Variants in GFM2 observed in about 807,000 individuals in gnomAD.
GFM2 encodes ribosome-releasing factor 2, mitochondrial.
GFM2 carries 72 observed loss-of-function variants against 95.4 expected under a neutral mutation model. The ratio of observed to expected loss-of-function variants is 0.76; its 90% CI spans 0.62 to 0.92. The LOEUF (loss-of-function observed/expected upper bound fraction) is 0.92, where lower values mean the gene tolerates loss of function less well. Ranked by LOEUF, GFM2 falls within the 40% of genes least tolerant of loss-of-function variation. The pLI, the probability that GFM2 is intolerant of heterozygous loss-of-function variation, is 0.00. For synonymous variants in GFM2, 276 were observed against 317.5 expected (o/e 0.87, Z 1.39); for missense variants, 825 against 924.1 (o/e 0.89, Z 1.39).
chr5:74,731,949 T>C (rs1189689249), intron 16 of GFM2, among the ~76,000 whole-genome samples: 1 of 151,068 alleles, frequency 6.6e-6, no homozygotes, highest in Admixed American at 6.6e-5. Flanking sequence ...GTTTTTATTT[T>C]ATTTATTTTT....
At chr5:74,734,876 G>A (rs1742756890) in intron 15 of GFM2, among the ~76,000 whole-genome samples, 1 of 152,156 alleles carries the variant, frequency 6.6e-6, no homozygotes, top group Non-Finnish European at 1.5e-5. Flanking sequence ...GCCCATTAAT[G>A]AGACTTTGGA....
chr5:74,760,709 TAAG>T (rs1744236885), intron 3 of GFM2, among the ~76,000 whole-genome samples, 190 bp downstream of exon 3: 1 of 152,170 alleles, frequency 6.6e-6, no homozygotes, highest in South Asian at 2.1e-4. Flanking sequence ...GTTCCTCAGA[TAAG>T]GAGCACAACT....
rs946255235 is a variant in GFM2 at position 74,757,340 on chromosome 5, C to T, written c.304+1509G>A. On this transcript the variant is annotated intron_variant, in intron 5 of 20. Coordinates refer to ENST00000296805, the MANE Select transcript of GFM2 (RefSeq NM_032380.5). ...TATGAGAGCAAGATCTTGATATTCT[C>T]TTTTTTAACTGTAAATAAGTTATTG... 8.5e-5 allele frequency among the ~76,000 whole-genome samples: 13 copies of T among 152,088 alleles called. No homozygotes were observed. In the East Asian group the frequency reaches 2.3e-3, roughly 27 times the overall value.
In GFM2 at chr5:74,740,071, G is replaced by A; in HGVS notation, c.997C>T (p.Leu333=). ...TAVPVLCGSA[L]KNKGIQPLLD... is the part of the protein sequence containing the mutation. ...AAGGGCTGTATCCCTTTGTTTTTCA[G>A]GGCACTTCCACAAAGCACAGGCACT... is the stretch of plus-strand genomic sequence containing the variant. The change falls in exon 12 of 21, where the codon CTG becomes TTG. Residue 333 remains leucine, a synonymous_variant. Transcript: ENST00000296805. 6.2e-7 allele frequency: 1 copy of A among 1,606,646 alleles called. No individual in the cohort carries two copies. The highest frequency in any genetic ancestry group is 8.5e-7 in the Non-Finnish European group (1 of 1,176,762).
intron 15 of GFM2, among the ~76,000 whole-genome samples, chr5:74,734,755 A>G (rs1177795707): frequency 6.6e-6 from 1 of 152,226 alleles, no homozygotes; most frequent in Non-Finnish European, 1.5e-5. Context: ...ACCATGGGGT[A>G]AGTACAATAA....
intron 5 of GFM2, 100 bp from the exon 6 acceptor site, chr5:74,751,593 T>C: frequency 1.2e-6 from 1 of 805,990 alleles, no homozygotes. Flanking sequence ...TTAAGAAAAA[T>C]CTTTCCTAAA....
Position 74,730,320 on chromosome 5 carries a change from A to G in GFM2, c.1666T>C (p.Tyr556His), listed in dbSNP as rs765145293. 12 of 1,613,072 alleles carry G rather than the reference A, an allele frequency of 7.4e-6. No individual in the cohort carries two copies. The Middle Eastern group carries it at 6.6e-4, about 89-fold the overall frequency. ...RIKREYGLET[Y>H]LGPLQVAYRE... ...TATGCCACCTGGAGAGGCCCGAGAT[A>G]GGTCTCCAGTCCATATTCCCTCTTG... The change falls in exon 17 of 21, where the codon TAT (tyrosine) becomes CAT (histidine). Residue 556 changes from tyrosine (Y) to histidine (H), a missense_variant. Tyr to His is a moderately conservative substitution (Grantham distance 83, BLOSUM62 2). Coordinates refer to ENST00000296805, the MANE Select transcript of GFM2 (RefSeq NM_032380.5).
intron 1 of GFM2, among the ~76,000 whole-genome samples, chr5:74,764,245 CCTCT>C (rs1554043027): frequency 6.6e-6 from 1 of 152,208 alleles, no homozygotes; most frequent in Non-Finnish European, 1.5e-5. Context: ...AAGTCCTCTT[CCTCT>C]CTGATTATAG....
chr5:74,742,811 C>T lies in GFM2; in HGVS notation c.850-1202G>A, dbSNP rs1051502278. ...CCTCCTGAGTAGCTAGGATTACAGG[C>T]GCGTGCCACCACGCCCAGCTAATTT... is the stretch of plus-strand genomic sequence containing the variant. On this transcript the variant is annotated intron_variant, in intron 10 of 20. Transcript: ENST00000296805. 5.3e-5 allele frequency among the ~76,000 whole-genome samples: 8 copies of T among 152,106 alleles called. No homozygotes were observed. In the East Asian group the frequency reaches 5.8e-4, roughly 11 times the overall value.
intron 2 of GFM2, 39 bp downstream of exon 2, chr5:74,763,641 G>C: frequency 1.7e-6 from 2 of 1,175,682 alleles, no homozygotes; most frequent in Non-Finnish European, 2.5e-6. Context: ...AAGGAGCTGA[G>C]GTTGTTAAAG....
intron 7 of GFM2, among the ~76,000 whole-genome samples, chr5:74,748,926 AT>A (rs1162294204): frequency 0.025 from 3,350 of 136,128 alleles, 137 homozygotes; most frequent in African/African-American, 0.09. Context: ...ATAAAAAAAA[AT>A]AAAAAAAATA....
intron 7 of GFM2, 85 bp from the exon 8 acceptor site, chr5:74,747,865 C>T: frequency 1.4e-6 from 1 of 718,498 alleles, no homozygotes; most frequent in East Asian, 2.7e-5. Context: ...CAAAAATCTA[C>T]TGTCAGATAA....
chr5:74,734,378 T>C (rs533108514), intron 15 of GFM2, among the ~76,000 whole-genome samples: 2 of 152,274 alleles, frequency 1.3e-5, no homozygotes, highest in African/African-American at 4.8e-5. Context: ...ATATTACATA[T>C]GTAGGTCACA....
intron 15 of GFM2, among the ~76,000 whole-genome samples, chr5:74,734,730 G>A (rs1225195271): frequency 6.6e-6 from 1 of 152,114 alleles, no homozygotes; most frequent in Non-Finnish European, 1.5e-5. Context: ...AACAGGTATC[G>A]AGGGTTATAA....
At chr5:74,756,672 T>C (rs1187013674) in intron 5 of GFM2, among the ~76,000 whole-genome samples, 1 of 143,812 alleles carries the variant, frequency 7.0e-6, no homozygotes, top group Non-Finnish European at 1.6e-5. Context: ...TGTGTATATA[T>C]ATATACACAC....
At chr5:74,733,336 A>T in intron 15 of GFM2, 7 of 155,322 alleles carry the variant, frequency 4.5e-5, no homozygotes, top group Non-Finnish European at 5.9e-5. Flanking sequence ...ACAAAAAAAG[A>T]AAAAAAAAAA....
In GFM2 at chr5:74,740,007, T is replaced by G; in HGVS notation, c.1061A>C (p.Glu354Ala). The G allele has an allele frequency of 2.6e-6, 4 of 1,560,554 alleles. No homozygotes were observed. The highest frequency in any genetic ancestry group is 3.5e-6 in the Non-Finnish European group (4 of 1,157,134). ...AVTMYLPSPE[E>A]RNYEFLQWYK... ...TACTTACAGAAATTCATAGTTACGC[T>G]CTTCAGGTGAAGGTAAGTACATAGT... The change falls in exon 12 of 21, where the codon GAG becomes GCG. Residue 354 changes from glutamate (E) to alanine (A), a missense_variant. Physicochemically the swap from Glu to Ala is moderately radical, Grantham distance 107. Transcript: ENST00000296805.
rs775015994 is a variant in GFM2 at position 74,722,430 on chromosome 5, A to T, written c.2160T>A (p.Thr720=). The change falls in exon 20 of 21, where the codon ACT becomes ACA. Residue 720 remains threonine, a synonymous_variant. Coordinates refer to ENST00000296805, the MANE Select transcript of GFM2 (RefSeq NM_032380.5). ...QRRGNIQEIQ[T]RQDNKVVIGF... ...CAATAACAACTTTGTTGTCCTGGCG[A>T]GTCTGAATTTCCTGAATGTTTCCTC... 2 of 1,614,000 alleles carry T rather than the reference A, an allele frequency of 1.2e-6. No individual in the cohort carries two copies. Among genetic ancestry groups the T allele is most frequent in the Admixed American group, 1.7e-5 (1 of 60,008 alleles).
At chr5:74,759,956 A>G (rs1028478943) in intron 3 of GFM2, among the ~76,000 whole-genome samples, 11 of 152,188 alleles carry the variant, frequency 7.2e-5, no homozygotes, top group African/African-American at 2.7e-4. Flanking sequence ...AATAGAAGCT[A>G]TAACAATTTA....
Sources: allele counts gnomAD v4.1 joint callset (sites outside exome capture counted in the v4.1 genomes callset), GRCh38; gene constraint gnomAD v4.1.1; transcripts MANE v1.5; gene names NCBI Gene and HGNC (gene_info 2026-07-23, HGNC 2026-07-21).